Variants in BRINP2 observed in about 807,000 individuals in gnomAD.
BRINP2 encodes the protein BMP/retinoic acid inducible neural specific 2, also known as BMP/retinoic acid-inducible neural-specific protein 2.
A neutral mutation model predicts 69.2 loss-of-function variants in BRINP2; 21 were observed. The observed-to-expected ratio is 0.30, with a 90% CI of 0.22 to 0.44. The LOEUF is 0.44. Ranked by LOEUF, BRINP2 falls within the 20% of genes least tolerant of loss-of-function variation. The probability of loss-of-function intolerance (pLI) is 1.00; values close to 1 mark genes in which losing one functional copy is unlikely to be tolerated. For synonymous variants in BRINP2, 380 were observed against 394.1 expected (o/e 0.96, Z 0.42); for missense variants, 877 against 986.0 (o/e 0.89, Z 1.48).
intron 1 of BRINP2, among the ~76,000 whole-genome samples, chr1:177,195,605 G>A (rs989069725): frequency 2.6e-5 from 4 of 151,428 alleles, no homozygotes; most frequent in African/African-American, 9.7e-5. Context: ...CTTTAGGCAA[G>A]TTATTTAACC....
intron 4 of BRINP2, among the ~76,000 whole-genome samples, chr1:177,269,988 C>T (rs1651252351): frequency 6.7e-6 from 1 of 149,262 alleles, no homozygotes; most frequent in Non-Finnish European, 1.5e-5. Flanking sequence ...TATAATCTGC[C>T]AAAGCTGTCT....
At chr1:177,266,218 A>G (rs1355843801) in intron 4 of BRINP2, among the ~76,000 whole-genome samples, 1 of 152,062 alleles carries the variant, frequency 6.6e-6, no homozygotes, top group Non-Finnish European at 1.5e-5. Flanking sequence ...ACTATTGAAA[A>G]TCTGTCTCTG....
At chr1:177,176,214 C>T (rs528957583) in intron 1 of BRINP2, among the ~76,000 whole-genome samples, 2 of 152,236 alleles carry the variant, frequency 1.3e-5, no homozygotes, top group Admixed American at 6.5e-5. Flanking sequence ...CAATTTGATA[C>T]CTCACAGGAC....
chr1:177,199,448 C>T (rs1452506419), intron 1 of BRINP2, among the ~76,000 whole-genome samples: 1 of 152,178 alleles, frequency 6.6e-6, no homozygotes, highest in Non-Finnish European at 1.5e-5. Flanking sequence ...AGGCCACCAA[C>T]CCTTCCCCAA....
intron 2 of BRINP2, among the ~76,000 whole-genome samples, chr1:177,254,333 ATTC>A (rs1437132345): frequency 6.6e-6 from 1 of 151,800 alleles, no homozygotes; most frequent in Non-Finnish European, 1.5e-5. Context: ...AGAGTCATGT[ATTC>A]TTCATCATTA....
intron 1 of BRINP2, among the ~76,000 whole-genome samples, chr1:177,181,156 A>T (rs1648234437): frequency 6.6e-6 from 1 of 152,270 alleles, no homozygotes; most frequent in Non-Finnish European, 1.5e-5. Context: ...GTTGGGATTC[A>T]AACAAGTGTT....
intron 1 of BRINP2, among the ~76,000 whole-genome samples, chr1:177,205,957 G>A (rs1649060425): frequency 6.6e-6 from 1 of 152,220 alleles, no homozygotes; most frequent in South Asian, 2.1e-4. Flanking sequence ...CAGAAATGAT[G>A]ATGTGTGATT....
intron 1 of BRINP2, among the ~76,000 whole-genome samples, chr1:177,192,365 C>T (rs1648618862): frequency 6.6e-6 from 1 of 152,166 alleles, no homozygotes; most frequent in Non-Finnish European, 1.5e-5. Flanking sequence ...AGGTCATGCA[C>T]ACTTCTGCTG....
chr1:177,220,796 T>C (rs554351), intron 1 of BRINP2, among the ~76,000 whole-genome samples: 92,636 of 151,976 alleles, frequency 0.61, 28,563 homozygotes, highest in African/African-American at 0.67. Flanking sequence ...CTCAAGGGCA[T>C]GCAAGAAACC....
In BRINP2 at chr1:177,193,216, A is replaced by AAAG. The variant is rs772644243; in HGVS notation, c.-77+21484_-77+21485insAAG. 9.2e-3 allele frequency among the ~76,000 whole-genome samples: 1,406 copies of AAAG among 152,318 alleles called. 8 individuals are homozygous for AAAG. The highest frequency in any genetic ancestry group is 0.015 in the Non-Finnish European group (1,014 of 68,030). Reference sequence around the variant, plus strand: ...AAACTATTTATTTCACCTACCCTACAGTCAGAAGCCACGAGCATGTGATGG... The same window carrying AAAG: ...AAACTATTTATTTCACCTACCCTACAAAGGTCAGAAGCCACGAGCATGTGATGG... On this transcript the variant is annotated intron_variant, in intron 1 of 7. Transcript: ENST00000361539.
At chr1:177,262,487 G>A (rs986732816) in intron 4 of BRINP2, among the ~76,000 whole-genome samples, 4 of 150,624 alleles carry the variant, frequency 2.7e-5, no homozygotes, top group Non-Finnish European at 4.4e-5. Context: ...ACTCCAGCCT[G>A]GTGACAGAGC....
In BRINP2 at chr1:177,276,396, A is replaced by G; in HGVS notation, c.974A>G (p.Asp325Gly). 6.2e-7 allele frequency: 1 copy of G among 1,614,046 alleles called. No individual in the cohort carries two copies. The highest frequency in any genetic ancestry group is 8.5e-7 in the Non-Finnish European group (1 of 1,180,004). ...GAGGACAGCCTGCTGCAGATCCAGG[A>G]CTCCTGGGCCACTCACAACCGGCAG... ...AMEDSLLQIQ[D>G]SWATHNRQFE... The change falls in exon 6 of 8, where the codon GAC becomes GGC. Residue 325 changes from aspartate to glycine, a missense_variant. Around this residue, in one of 3 missense-constraint regions of BRINP2, gnomAD observed 566 missense variants for 625.2 expected, o/e 0.91. Coordinates refer to ENST00000361539, the MANE Select transcript of BRINP2 (RefSeq NM_021165.4).
chr1:177,254,585 A>C (rs1650693244), intron 2 of BRINP2, among the ~76,000 whole-genome samples: 1 of 152,064 alleles, frequency 6.6e-6, no homozygotes, highest in Non-Finnish European at 1.5e-5. Flanking sequence ...TTTGTGGTTG[A>C]GTTGCAAGCT....
chr1:177,274,372 T>C (rs1651428945), intron 5 of BRINP2, among the ~76,000 whole-genome samples: 1 of 152,218 alleles, frequency 6.6e-6, no homozygotes, highest in African/African-American at 2.4e-5. Flanking sequence ...GATATTATTG[T>C]CTCAGCATTA....
At chr1:177,173,427 G>C (rs1200658938) in intron 1 of BRINP2, among the ~76,000 whole-genome samples, 3 of 152,220 alleles carry the variant, frequency 2.0e-5, no homozygotes, top group Admixed American at 6.5e-5. Context: ...TGCAGCCATG[G>C]AGAAGACAGG....
At chr1:177,238,769 G>C (rs1650110783) in intron 2 of BRINP2, among the ~76,000 whole-genome samples, 1 of 152,146 alleles carries the variant, frequency 6.6e-6, no homozygotes. Flanking sequence ...ATTTAACTTA[G>C]GGAAAGAAAG....
chr1:177,259,341 C>T (rs990707471), intron 4 of BRINP2, among the ~76,000 whole-genome samples: 13 of 152,030 alleles, frequency 8.6e-5, no homozygotes, highest in Admixed American at 7.2e-4. Context: ...TTGAAGCTAG[C>T]GTAGGTTGGT....
intron 1 of BRINP2, among the ~76,000 whole-genome samples, chr1:177,182,460 A>G (rs947310599): frequency 6.6e-6 from 1 of 152,162 alleles, no homozygotes; most frequent in African/African-American, 2.4e-5. Flanking sequence ...CGAACCATAC[A>G]GACAGCTGCT....
At chr1:177,277,362 G>A (rs1409429542) in intron 6 of BRINP2, among the ~76,000 whole-genome samples, 2 of 151,848 alleles carry the variant, frequency 1.3e-5, no homozygotes, top group Non-Finnish European at 2.9e-5. Flanking sequence ...TAGAGAGAAA[G>A]GGAAGTTTAG....
Sources: allele counts gnomAD v4.1 joint callset (sites outside exome capture counted in the v4.1 genomes callset), GRCh38; gene constraint gnomAD v4.1.1; regional missense constraint gnomAD v4.1.1; transcripts MANE v1.5; gene names NCBI Gene and HGNC (gene_info 2026-07-23, HGNC 2026-07-21).